The following C8B variants were observed in gnomAD, a reference collection of about 807,000 sequenced individuals.
The protein encoded by C8B is complement component C8 beta chain.
In C8B, 67 loss-of-function variants were observed where a neutral mutation model predicts 64.6. The observed-to-expected ratio is 1.04, with a 90% CI of 0.85 to 1.27. C8B has a LOEUF of 1.27. Ranked by LOEUF, C8B falls within the 50% of genes most tolerant of loss-of-function variation. The pLI, the probability that C8B is intolerant of heterozygous loss-of-function variation, is 0.00. For synonymous variants in C8B, 284 were observed against 257.7 expected, an observed-to-expected ratio of 1.10 and a Z score of -0.98; for missense variants, 790 against 725.2, an observed-to-expected ratio of 1.09 and a Z score of -1.03.
rs1053198648 is a variant in C8B, at chr1:56,959,933, C to T, written c.249+87G>A. ...ACATTTATTGAGGGCCAACTATGTG[C>T]CAGGCACTGTTAGCAATGGCTCAGC... On this transcript the variant is annotated intron_variant, in intron 2 of 11. Transcript: ENST00000371237. 50 of 1,430,634 alleles carry T rather than the reference C, an allele frequency of 3.5e-5. 1 individual carries two copies. Among genetic ancestry groups the T allele is most frequent in the South Asian group, 9.3e-5 (8 of 85,936 alleles). 88.6% of individuals were successfully genotyped at this position (1,430,634 alleles called of 1,614,324 possible).
intron 4 of C8B, 98 bp from the exon 5 acceptor site, chr1:56,952,278 A>T: frequency 6.5e-7 from 1 of 1,540,312 alleles, no homozygotes; most frequent in Non-Finnish European, 8.9e-7. Context: ...ACTCCTTGGC[A>T]CAGCCTTCAA....
Position 56,949,720 on chromosome 1 carries a change from CTCTTTTAATATGAAT to C in C8B, c.684_698del (p.Phe229_Glu233del). ...GTTCAAAATCTGAGTATGATTCATA[CTCTTTTAATATGAAT>C]TCGTATTTGCCTTGGGTCTAAAGAA... On this transcript the variant is annotated inframe_deletion, in exon 6 of 12. Transcript: ENST00000371237. 6.2e-7 allele frequency: 1 copy of C among 1,613,514 alleles called. No individual in the cohort carries two copies. The highest frequency in any genetic ancestry group is 8.5e-7 in the Non-Finnish European group (1 of 1,179,664).
chr1:56,963,704 G>T, intron 1 of C8B: 1 of 220,120 alleles, frequency 4.5e-6, no homozygotes, highest in Non-Finnish European at 7.7e-6. Flanking sequence ...TGTTTGTTAA[G>T]TGGATAGCCT....
chr1:56,938,700 T>G (rs1007620980), intron 9 of C8B, among the ~76,000 whole-genome samples: 6 of 152,144 alleles, frequency 3.9e-5, no homozygotes, highest in African/African-American at 1.4e-4. Context: ...AGAAATCATG[T>G]TTTAGGACTT....
At position 56,930,629 on chromosome 1, in the gene C8B, C is replaced by T. The variant is rs558494580; in HGVS notation, c.1622-1071G>A. 1.7e-4 allele frequency among the ~76,000 whole-genome samples: 26 copies of T among 152,282 alleles called. No homozygotes were observed. In the South Asian group the frequency reaches 5.4e-3, roughly 32 times the overall value. On this transcript the variant is annotated intron_variant, in intron 11 of 11. Transcript: ENST00000371237. ...GATCAAAGGCTGTGGGGGCAGACCC[C>T]TGGACCTGAACCTGGGTTTCCACAC...
At chr1:56,963,249 C>T (rs562823090) in intron 1 of C8B, among the ~76,000 whole-genome samples, 17 of 152,272 alleles carry the variant, frequency 1.1e-4, no homozygotes, top group Admixed American at 1.0e-3. Flanking sequence ...CCATCCAGTA[C>T]AGCAGGATTG....
At chr1:56,965,717 TATGTTATCAGATGC>T (rs1645245975) in intron 1 of C8B, 126 bp downstream of exon 1, 1 of 838,350 alleles carries the variant, frequency 1.2e-6, no homozygotes, top group Non-Finnish European at 2.0e-6. Flanking sequence ...TTGTTGATAG[TATGTTATCAGATGC>T]ATGCAAATTG....
intron 4 of C8B, among the ~76,000 whole-genome samples, chr1:56,953,534 G>GTGGAA (rs1299208930): frequency 6.6e-6 from 1 of 152,196 alleles, no homozygotes; most frequent in Non-Finnish European, 1.5e-5. Context: ...GGAACAATGG[G>GTGGAA]TGGACTGGAC....
intron 9 of C8B, among the ~76,000 whole-genome samples, chr1:56,937,913 T>C (rs1644797647): frequency 6.6e-6 from 1 of 152,220 alleles, no homozygotes; most frequent in Non-Finnish European, 1.5e-5. Context: ...TGTTGCTCCA[T>C]TTTCTTCAAG....
intron 9 of C8B, among the ~76,000 whole-genome samples, chr1:56,938,245 T>C (rs1258395566): frequency 2.0e-5 from 3 of 152,198 alleles, no homozygotes; most frequent in Admixed American, 2.0e-4. Context: ...GTCTCTTGCG[T>C]CTGCATTTTA....
intron 2 of C8B, among the ~76,000 whole-genome samples, chr1:56,958,437 A>G (rs1213982694): frequency 6.6e-6 from 1 of 152,162 alleles, no homozygotes; most frequent in African/African-American, 2.4e-5. Context: ...GCAAAGGGTC[A>G]TTCTTTCTAG....
intron 10 of C8B, among the ~76,000 whole-genome samples, chr1:56,932,986 G>A (rs1222506084): frequency 6.6e-6 from 1 of 152,132 alleles, no homozygotes; most frequent in African/African-American, 2.4e-5. Flanking sequence ...AGTTCTAGTG[G>A]CCCATCCTTG....
At chr1:56,959,482 T>C in intron 2 of C8B, 1 of 1,153,080 alleles carries the variant, frequency 8.7e-7, no homozygotes. Context: ...AGTTTCAAAT[T>C]GTGAGTAGGT....
At chr1:56,956,384 T>C (rs1645103994) in intron 3 of C8B, among the ~76,000 whole-genome samples, 1 of 152,190 alleles carries the variant, frequency 6.6e-6, no homozygotes, top group South Asian at 2.1e-4. Context: ...AAGTGACTTC[T>C]GCTAGTCACA....
In C8B at chr1:56,945,831, C is replaced by G; in HGVS notation, c.1095G>C (p.Met365Ile). The change falls in exon 7 of 12, where the codon ATG (methionine) becomes ATC (isoleucine). Residue 365 changes from methionine to isoleucine, a missense_variant. Met to Ile is a conservative substitution (Grantham distance 10). Coordinates refer to ENST00000371237, the MANE Select transcript of C8B (RefSeq NM_000066.4). ...EYTLVMNKEA[M>I]ERGDYTLNNV... ...CCTTGGGCAGTATACCTCCTCTCTC[C>G]ATGGCCTCTTTGTTCATAACGAGGG... 6.2e-7 allele frequency: 1 copy of G among 1,614,144 alleles called. No individual in the cohort carries two copies. The highest frequency in any genetic ancestry group is 8.5e-7 in the Non-Finnish European group (1 of 1,180,006).
rs1437029650 is a variant in C8B at position 56,943,818 on chromosome 1, G to A, written c.1112C>T (p.Thr371Ile). 2 of 1,613,898 alleles carry A rather than the reference G, an allele frequency of 1.2e-6. No homozygotes were observed. The highest frequency in any genetic ancestry group is 1.7e-6 in the Non-Finnish European group (2 of 1,179,942). The change falls in exon 8 of 12, where the codon ACT becomes ATT. Residue 371 changes from threonine (T) to isoleucine (I), a missense_variant. Coordinates refer to ENST00000371237, the MANE Select transcript of C8B (RefSeq NM_000066.4). ...GGCACAGGCATGGACGTTGTTAAGA[G>A]TATAATCTGAAGAAAACAAGGAAAA... Reference protein sequence around the residue: ...NKEAMERGDYTLNNVHACAKN... With the variant: ...NKEAMERGDYILNNVHACAKN...
intron 2 of C8B, among the ~76,000 whole-genome samples, chr1:56,957,848 G>A (rs1645124608): frequency 6.6e-6 from 1 of 152,094 alleles, no homozygotes; most frequent in African/African-American, 2.4e-5. Flanking sequence ...CTCATCGGGA[G>A]TCCCTCATGC....
chr1:56,941,444 T>A (rs1209774595), intron 8 of C8B, among the ~76,000 whole-genome samples: 1 of 151,260 alleles, frequency 6.6e-6, no homozygotes, highest in East Asian at 1.9e-4. Context: ...GATAATAGAT[T>A]GATAGAAAGA....
intron 11 of C8B, chr1:56,931,550 C>A (rs1277289097): frequency 4.8e-6 from 2 of 419,108 alleles, no homozygotes; most frequent in Non-Finnish European, 9.1e-6. Flanking sequence ...CCAGAATGAT[C>A]CAAAGAGATG....
Sources: gnomAD v4.1 joint callset for allele counts (sites outside exome capture counted in the v4.1 genomes callset) on GRCh38, gnomAD v4.1.1 for gene constraint, MANE v1.5 for transcripts, NCBI Gene and HGNC (gene_info 2026-07-23, HGNC 2026-07-21) for gene names.